Variants in SAMMSON observed in about 807,000 individuals in gnomAD.
SAMMSON encodes long intergenic non-protein coding RNA 1212.
At chr3:70,392,883 C>G, downstream of SAMMSON, among the ~76,000 whole-genome samples, 1 of 152,036 alleles carries the variant, frequency 6.6e-6, no homozygotes, top group East Asian at 1.9e-4. Flanking sequence ...AGAGTTCAAC[C>G]AGCAGAAGGC....
chr3:70,059,152 G>A (rs922620766), intron 3 of SAMMSON, among the ~76,000 whole-genome samples: 1 of 151,992 alleles, frequency 6.6e-6, no homozygotes, highest in Non-Finnish European at 1.5e-5. Flanking sequence ...AGCTTTATAT[G>A]TATTATTTGT....
chr3:70,070,062 C>T (rs1372259416), intron 3 of SAMMSON: 1 of 151,964 alleles, frequency 6.6e-6, no homozygotes, highest in African/African-American at 2.4e-5. Flanking sequence ...CTATTCCATT[C>T]CTCGGAGTGC....
intron 4 of SAMMSON, among the ~76,000 whole-genome samples, chr3:70,242,879 G>A (rs1701675772): frequency 1.3e-5 from 2 of 152,282 alleles, no homozygotes; most frequent in South Asian, 4.2e-4. Flanking sequence ...TTGGCCATCT[G>A]TGCCAGGGAG....
At chr3:70,063,087 C>G (rs35991560) in intron 3 of SAMMSON, among the ~76,000 whole-genome samples, 3 of 150,766 alleles carry the variant, frequency 2.0e-5, no homozygotes, top group Non-Finnish European at 4.4e-5. Flanking sequence ...TGTCACCAGC[C>G]CCCCCCACCC....
intron 3 of SAMMSON, among the ~76,000 whole-genome samples, chr3:70,024,344 A>G (rs573247463): frequency 6.6e-6 from 1 of 152,336 alleles, no homozygotes; most frequent in African/African-American, 2.4e-5. Context: ...GTTGTCACAA[A>G]TTAAACATTA....
At chr3:70,151,666 C>G (rs1370219579) in intron 4 of SAMMSON, among the ~76,000 whole-genome samples, 1 of 151,970 alleles carries the variant, frequency 6.6e-6, no homozygotes, top group Non-Finnish European at 1.5e-5. Context: ...TATTTCTTTA[C>G]TTCAAAATAC....
In SAMMSON at chr3:70,379,022, T is replaced by C. The variant is rs1033939848; in HGVS notation, n.914-10552T>C. Among the ~76,000 whole-genome samples the C allele has an allele frequency of 3.4e-5, 5 of 147,690 alleles. No individual in the cohort carries two copies. In the South Asian group the frequency reaches 1.1e-3, roughly 31 times the overall value. ...TTATTTATTTATTTATTTATTTATT[T>C]ATTTATTTTAAGACGGAGTCTCACT... is the stretch of plus-strand genomic sequence containing the variant. On this transcript the variant is annotated intron_variant and non_coding_transcript_variant, in intron 9 of 9. Coordinates refer to ENST00000642114, the Ensembl canonical transcript of SAMMSON.
intron 4 of SAMMSON, among the ~76,000 whole-genome samples, chr3:70,210,943 C>T (rs1701337215): frequency 1.3e-5 from 2 of 151,944 alleles, no homozygotes; most frequent in African/African-American, 4.8e-5. Flanking sequence ...TATTGAGTAC[C>T]CACATGCAAC....
At chr3:70,317,197 T>C (rs979632162) in intron 7 of SAMMSON, among the ~76,000 whole-genome samples, 2 of 152,082 alleles carry the variant, frequency 1.3e-5, no homozygotes, top group Non-Finnish European at 2.9e-5. Context: ...ATTGTAAGTG[T>C]GTGTATATAT....
chr3:70,121,947 G>A (rs2067436452), intron 4 of SAMMSON, among the ~76,000 whole-genome samples: 1 of 152,156 alleles, frequency 6.6e-6, no homozygotes, highest in African/African-American at 2.4e-5. Context: ...CAGGCACTTG[G>A]TATGAATCTC....
intron 4 of SAMMSON, among the ~76,000 whole-genome samples, chr3:70,180,986 A>G (rs1390930587): frequency 2.0e-5 from 3 of 152,188 alleles, no homozygotes; most frequent in Admixed American, 6.5e-5. Context: ...TTGGGGGACT[A>G]GCTGGGCTAG....
chr3:70,399,873 A>G (rs1198332951), intron 2 of SAMMSON, among the ~76,000 whole-genome samples: 1 of 149,692 alleles, frequency 6.7e-6, no homozygotes, highest in Non-Finnish European at 1.5e-5. Flanking sequence ...AAAACAAAAA[A>G]AAAACAAAAA....
chr3:70,143,819 T>G (rs1433800312), intron 4 of SAMMSON, among the ~76,000 whole-genome samples: 1 of 152,152 alleles, frequency 6.6e-6, no homozygotes, highest in Non-Finnish European at 1.5e-5. Flanking sequence ...TAATTTCTTT[T>G]CAACTCCTCT....
At chr3:70,248,824 ATGTTTGCCAGTG>A (rs1701732508) in intron 4 of SAMMSON, among the ~76,000 whole-genome samples, 1 of 152,120 alleles carries the variant, frequency 6.6e-6, no homozygotes, top group Non-Finnish European at 1.5e-5. Context: ...CATGTGTGAT[ATGTTTGCCAGTG>A]GTGGCCTACA....
rs978565965 is a variant in SAMMSON at position 70,124,943 on chromosome 3, A to T, written n.507+53378A>T. The T allele has an allele frequency of 7.1e-6, 4 of 561,026 alleles. No homozygotes were observed. In the African/African-American group the frequency reaches 7.5e-5, roughly 11 times the overall value. The allele number at this position is 561,026 out of a possible 1,614,324, so 34.8% of individuals were successfully genotyped here. On this transcript the variant is annotated intron_variant and non_coding_transcript_variant, in intron 4 of 9. Transcript: ENST00000642114. Reference sequence around the variant, plus strand: ...ACTGATTTAAAGGCATATGTATTTAATTTTTAAATATACTTTCAAAGCTGT... The same window carrying T: ...ACTGATTTAAAGGCATATGTATTTATTTTTTAAATATACTTTCAAAGCTGT...
intron 2 of SAMMSON, among the ~76,000 whole-genome samples, chr3:70,430,604 A>G (rs1458411885): frequency 2.0e-5 from 3 of 152,190 alleles, no homozygotes; most frequent in Admixed American, 6.5e-5. Context: ...AAGCCAAAGA[A>G]GAAGCACAAA....
In SAMMSON at chr3:70,325,556, A is replaced by G. The variant is rs145441817; in HGVS notation, n.740-28619A>G. 2.0e-5 allele frequency among the ~76,000 whole-genome samples: 3 copies of G among 152,266 alleles called. 1 individual carries two copies. The highest frequency in any genetic ancestry group is 7.2e-5 in the African/African-American group (3 of 41,566). ...ATTAAAACATTTTATTAGAACAGTA[A>G]TGTAGTCCCTTATATGGTGAGAAAT... On this transcript the variant is annotated intron_variant and non_coding_transcript_variant, in intron 7 of 9. Coordinates refer to ENST00000642114, the Ensembl canonical transcript of SAMMSON.
rs1348739420 is a variant in SAMMSON at position 70,153,742 on chromosome 3, G to C, written n.507+82177G>C. 3.3e-5 allele frequency among the ~76,000 whole-genome samples: 5 copies of C among 152,050 alleles called. No individual in the cohort carries two copies. In the South Asian group the frequency reaches 8.3e-4, roughly 25 times the overall value. Reference sequence around the variant, plus strand: ...TAAAGCATACCGTTTTAATCGTACAGTTCTGTGGCATTCAATGCATTCACA... The same window carrying C: ...TAAAGCATACCGTTTTAATCGTACACTTCTGTGGCATTCAATGCATTCACA... On this transcript the variant is annotated intron_variant and non_coding_transcript_variant, in intron 4 of 9. Transcript: ENST00000642114.
At chr3:70,226,271 G>T (rs1432991199) in intron 4 of SAMMSON, among the ~76,000 whole-genome samples, 3 of 152,132 alleles carry the variant, frequency 2.0e-5, no homozygotes, top group Non-Finnish European at 4.4e-5. Flanking sequence ...TCTGCTTTCG[G>T]AATTTGCTCT....
Sources: gnomAD v4.1 joint callset for allele counts (sites outside exome capture counted in the v4.1 genomes callset) on GRCh38, gnomAD v4.1.1 for gene constraint, MANE v1.5 for transcripts, NCBI Gene and HGNC (gene_info 2026-07-23, HGNC 2026-07-21) for gene names.